PHF6: variants seen among roughly 807,000 people sequenced by gnomAD.
PHF6 encodes the protein PHD finger protein 6, also known as PHD-like zinc finger protein.
A neutral mutation model predicts 34.0 loss-of-function variants in PHF6; 7 were observed. The observed-to-expected ratio is 0.21, with a 90% CI of 0.12 to 0.39. The LOEUF (loss-of-function observed/expected upper bound fraction) is 0.39. Among genes scored for constraint, PHF6 ranks in the 10% least tolerant of loss-of-function variants. The pLI, the probability that PHF6 is intolerant of heterozygous loss-of-function variation, is 1.00. For synonymous variants in PHF6, 89 were observed against 88.4 expected, an observed-to-expected ratio of 1.01 and a Z score of -0.04; for missense variants, 128 against 262.8, an observed-to-expected ratio of 0.49 and a Z score of 3.55.
chrX:134,413,979 C>A lies in PHF6; in HGVS notation c.729+13C>A. On this transcript the variant is annotated intron_variant, in intron 7 of 10. Coordinates refer to ENST00000370803, the MANE Select transcript of PHF6 (RefSeq NM_001015877.2). ...TTATAAGTGCATGGTAAGCATGGTTCTTTTAAGCCCAATTTTGTTTTTTTG... is the reference window on the plus strand; with the variant it reads ...TTATAAGTGCATGGTAAGCATGGTTATTTTAAGCCCAATTTTGTTTTTTTG... The A allele has an allele frequency of 8.3e-7, 1 of 1,204,732 alleles. No homozygotes were observed.
At chrX:134,401,639 C>T (rs2077403004) in intron 5 of PHF6, among the ~76,000 whole-genome samples, 2 of 111,553 alleles carry the variant, frequency 1.8e-5, no homozygotes, top group African/African-American at 6.5e-5. Flanking sequence ...TTTATGACAA[C>T]TTTTTTTATA....
chrX:134,417,144 C>G, intron 8 of PHF6, 25 bp from the exon 9 acceptor site: 1 of 1,208,125 alleles, frequency 8.3e-7, no homozygotes, highest in Non-Finnish European at 1.1e-6. Flanking sequence ...ATACGGCTTA[C>G]GATTATTTCT....
At chrX:134,391,880 C>T (rs1188428294) in intron 3 of PHF6, among the ~76,000 whole-genome samples, 4 of 111,468 alleles carry the variant, frequency 3.6e-5, no homozygotes, top group Non-Finnish European at 7.5e-5. Context: ...AAATGCTGTA[C>T]CTCCTTAAGA....
intron 5 of PHF6, among the ~76,000 whole-genome samples, chrX:134,394,966 C>CCTCG (rs1351610825): frequency 7.2e-4 from 79 of 109,452 alleles, no homozygotes; most frequent in Admixed American, 1.2e-3. Context: ...GATTCTCCTG[C>CCTCG]CTCGGCCTCC....
intron 3 of PHF6, among the ~76,000 whole-genome samples, chrX:134,386,120 A>C (rs1393865897): frequency 4.5e-5 from 5 of 111,789 alleles, no homozygotes; most frequent in African/African-American, 1.6e-4. Context: ...AAGACAAACA[A>C]TTTCAAGGAG....
In PHF6 at chrX:134,392,140, A is replaced by G. The variant is rs766234255; in HGVS notation, c.241-1361A>G. 3.6e-5 allele frequency among the ~76,000 whole-genome samples: 4 copies of G among 112,104 alleles called. No homozygotes were observed. The South Asian group carries it at 1.5e-3, about 41-fold the overall frequency. Reference sequence around the variant, plus strand: ...GTGTTTGACTTGCTTAGAGAAATGTAAGAAATTTTATTGGAATTTATATTA... The same window carrying G: ...GTGTTTGACTTGCTTAGAGAAATGTGAGAAATTTTATTGGAATTTATATTA... On this transcript the variant is annotated intron_variant, in intron 3 of 10. Transcript: ENST00000370803.
intron 5 of PHF6, among the ~76,000 whole-genome samples, chrX:134,409,816 C>T (rs2077442243): frequency 9.0e-6 from 1 of 110,508 alleles, no homozygotes; most frequent in Non-Finnish European, 1.9e-5. Context: ...TCCCTCTCTC[C>T]TCCCTCTAGT....
intron 5 of PHF6, among the ~76,000 whole-genome samples, chrX:134,402,556 T>TG (rs1266650268): frequency 8.9e-6 from 1 of 111,747 alleles, no homozygotes; most frequent in Non-Finnish European, 1.9e-5. Flanking sequence ...CTGTAAAATT[T>TG]GGGGGATTTT....
At chrX:134,380,716 G>C (rs2077303665) in intron 3 of PHF6, among the ~76,000 whole-genome samples, 2 of 111,982 alleles carry the variant, frequency 1.8e-5, no homozygotes, top group South Asian at 7.4e-4. Context: ...TTCCTCACCT[G>C]CAAAAGGGGT....
intron 5 of PHF6, among the ~76,000 whole-genome samples, chrX:134,394,665 G>A (rs1181508625): frequency 1.9e-5 from 2 of 105,150 alleles, no homozygotes; most frequent in African/African-American, 3.5e-5. Flanking sequence ...TCAGCCTCCC[G>A]AGTAGCTGGG....
chrX:134,384,811 CT>C (rs1479514993), intron 3 of PHF6, among the ~76,000 whole-genome samples: 3,763 of 110,529 alleles, frequency 0.034, 69 homozygotes, highest in Non-Finnish European at 0.053. Context: ...ACCACCGCTC[CT>C]GGCTAATTTT....
chrX:134,375,653 C>T (rs901199570), intron 1 of PHF6, among the ~76,000 whole-genome samples: 22 of 111,753 alleles, frequency 2.0e-4, no homozygotes, highest in African/African-American at 6.5e-4. Context: ...ATGCTGAATA[C>T]ATTATTATGG....
chrX:134,389,152 A>C (rs2077343350), intron 3 of PHF6, among the ~76,000 whole-genome samples: 2 of 111,144 alleles, frequency 1.8e-5, no homozygotes, highest in African/African-American at 6.5e-5. Flanking sequence ...TTATTAATGA[A>C]GAAGTTTTCA....
rs781682211 is a variant in PHF6 at position 134,393,484 on chromosome X, T to C, written c.241-17T>C. On this transcript the variant is annotated splice_polypyrimidine_tract_variant and intron_variant, in intron 3 of 10. Coordinates refer to ENST00000370803, the MANE Select transcript of PHF6 (RefSeq NM_001015877.2). Reference sequence around the variant, plus strand: ...AAAGTCACATACTAATAATATTATTTTGTCGTTTTGCTGTAGATGTGTTCT... The same window carrying C: ...AAAGTCACATACTAATAATATTATTCTGTCGTTTTGCTGTAGATGTGTTCT... 2.9e-5 allele frequency: 35 copies of C among 1,206,989 alleles called. No homozygotes were observed. The African/African-American group carries it at 4.9e-4, about 17-fold the overall frequency.
At position 134,415,345 on chromosome X, in the gene PHF6, T is replaced by TA. The variant is rs1290637897; in HGVS notation, c.834+226dup. 1.4e-5 allele frequency: 7 copies of TA among 494,743 alleles called. No individual in the cohort carries two copies. In the East Asian group the frequency reaches 2.3e-4, roughly 16 times the overall value. 40.8% of individuals were successfully genotyped at this position (494,743 alleles called of 1,213,427 possible). On this transcript the variant is annotated intron_variant, in intron 8 of 10. Transcript: ENST00000370803. ...TTAAGAGAATTATACTGAGAAGATT[T>TA]ATATACATTTCAAGGCATTTGCAAG... is the stretch of plus-strand genomic sequence containing the variant.
In PHF6 at chrX:134,413,904, G is replaced by A; in HGVS notation, c.667G>A (p.Glu223Lys). Residue 223 changes from glutamate to lysine, a missense_variant, in exon 7 of 11, where the codon GAA (glutamate) becomes AAA (lysine). Around this residue, in one of 3 missense-constraint regions of PHF6, gnomAD observed 16 missense variants for 93.7 expected, o/e 0.17. Transcript: ENST00000370803. ...TTGCCATGTAGGGGAGGAAGAAAAT[G>A]AAGCACGAGGAAAACTGCATATATT... The part of the protein sequence containing the change: ...GFCHVGEEEN[E>K]ARGKLHIFNA... The A allele has an allele frequency of 2.5e-6, 3 of 1,210,116 alleles. No individual in the cohort carries two copies. Among genetic ancestry groups the A allele is most frequent in the Non-Finnish European group, 3.4e-6 (3 of 894,240 alleles).
intron 7 of PHF6, among the ~76,000 whole-genome samples, chrX:134,414,590 C>T (rs1469724272): frequency 1.1e-4 from 12 of 107,947 alleles, no homozygotes; most frequent in African/African-American, 3.4e-4. Context: ...GAGCTTTTTC[C>T]GAAATATGTG....
intron 3 of PHF6, among the ~76,000 whole-genome samples, chrX:134,390,430 T>G (rs934259355): frequency 1.8e-5 from 2 of 112,319 alleles, no homozygotes; most frequent in African/African-American, 6.5e-5. Context: ...TTAAAAAAAT[T>G]ATCTGTCCTG....
At position 134,415,111 on chromosome X, in the gene PHF6, A is replaced by G. The variant is rs1233817241; in HGVS notation, c.825A>G (p.Gly275=). 8.3e-7 allele frequency: 1 copy of G among 1,207,366 alleles called. No homozygotes were observed. Among genetic ancestry groups the G allele is most frequent in the Admixed American group, 2.2e-5 (1 of 45,941 alleles). ...IKTVLQEIKR[G]KRMKCTLCSQ... ...CTGTACTTCAGGAGATTAAACGAGG[A>G]AAAAGAATGGTCTGTAGTTTTTATA... is the stretch of plus-strand genomic sequence containing the variant. Residue 275 remains glycine, a synonymous_variant, in exon 8 of 11, where the codon GGA becomes GGG. Transcript: ENST00000370803.
Sources: allele counts gnomAD v4.1 joint callset (sites outside exome capture counted in the v4.1 genomes callset), GRCh38; gene constraint gnomAD v4.1.1; regional missense constraint gnomAD v4.1.1; transcripts MANE v1.5; gene names NCBI Gene and HGNC (gene_info 2026-07-23, HGNC 2026-07-21).